Variants in SCCPDH observed in about 807,000 individuals in gnomAD.
The protein encoded by SCCPDH is saccharopine dehydrogenase (putative).
SCCPDH carries 34 observed loss-of-function variants against 51.5 expected under a neutral mutation model. The ratio of observed to expected loss-of-function variants is 0.66; its 90% CI spans 0.50 to 0.88. The LOEUF is 0.88. SCCPDH is among the 40% of genes least tolerant of loss of function. The pLI is 0.00. For synonymous variants in SCCPDH, 187 were observed against 191.3 expected (o/e 0.98, Z 0.19); for missense variants, 464 against 527.1 (o/e 0.88, Z 1.17).
At chr1:246,761,256 T>C (rs970802740) in intron 9 of SCCPDH, among the ~76,000 whole-genome samples, 1 of 152,198 alleles carries the variant, frequency 6.6e-6, no homozygotes, top group Non-Finnish European at 1.5e-5. Context: ...TTTGTATTTT[T>C]AGTAGAGACA....
chr1:246,743,077 T>G (rs1668703566), intron 4 of SCCPDH, among the ~76,000 whole-genome samples: 1 of 152,190 alleles, frequency 6.6e-6, no homozygotes. Flanking sequence ...TGTCATATTT[T>G]AAAGCAGAAT....
chr1:246,727,512 C>T (rs575368524), intron 2 of SCCPDH, among the ~76,000 whole-genome samples: 17 of 152,222 alleles, frequency 1.1e-4, no homozygotes, highest in Admixed American at 8.5e-4. Flanking sequence ...GTGGACATTA[C>T]GTTCTTGGGG....
chr1:246,729,302 T>C (rs1448338293), intron 2 of SCCPDH, among the ~76,000 whole-genome samples: 1 of 152,166 alleles, frequency 6.6e-6, no homozygotes, highest in Non-Finnish European at 1.5e-5. Flanking sequence ...GACTGGAATT[T>C]CCTAATCCTA....
chr1:246,746,451 G>A lies in SCCPDH; in HGVS notation c.564+2326G>A, dbSNP rs1200439702. On this transcript the variant is annotated intron_variant, in intron 5 of 11. Coordinates refer to ENST00000366510, the MANE Select transcript of SCCPDH (RefSeq NM_016002.3). ...GGACGCGGCGCCGGGCTGTCTGCCT[G>A]TGGATTTCATTTCTGCCTTTTAGTT... 2.9e-4 allele frequency among the ~76,000 whole-genome samples: 44 copies of A among 152,320 alleles called. 1 individual carries two copies. The highest frequency in any genetic ancestry group is 8.8e-5 in the Non-Finnish European group (6 of 68,018).
chr1:246,726,376 A>G (rs887833670), intron 1 of SCCPDH, among the ~76,000 whole-genome samples: 13 of 151,758 alleles, frequency 8.6e-5, no homozygotes, highest in Non-Finnish European at 1.9e-4. Context: ...AGCTGGTACT[A>G]CAGGCTATGC....
At chr1:246,764,930 G>A (rs60666824) in intron 10 of SCCPDH, among the ~76,000 whole-genome samples, 2 of 145,162 alleles carry the variant, frequency 1.4e-5, no homozygotes, top group African/African-American at 5.2e-5. Flanking sequence ...TGTGAACTGT[G>A]GTATAATTAC....
intron 5 of SCCPDH, among the ~76,000 whole-genome samples, chr1:246,752,509 C>A (rs200509530): frequency 6.6e-6 from 1 of 152,184 alleles, no homozygotes; most frequent in Non-Finnish European, 1.5e-5. Flanking sequence ...GTTTAAGCAG[C>A]CCGTCACAGA....
chr1:246,733,217 G>T (rs1428237827), intron 2 of SCCPDH, among the ~76,000 whole-genome samples: 11 of 152,036 alleles, frequency 7.2e-5, no homozygotes, highest in Admixed American at 7.2e-4. Context: ...CCTGAAAGTA[G>T]CTGGGACTAT....
chr1:246,735,580 G>A (rs1428519101), intron 2 of SCCPDH, among the ~76,000 whole-genome samples: 3 of 152,192 alleles, frequency 2.0e-5, no homozygotes, highest in Non-Finnish European at 4.4e-5. Flanking sequence ...CGCCCAGGCT[G>A]GAGTGCAGTG....
chr1:246,728,042 T>A (rs7419196), intron 2 of SCCPDH, among the ~76,000 whole-genome samples: 1 of 151,692 alleles, frequency 6.6e-6, no homozygotes, highest in African/African-American at 2.4e-5. Flanking sequence ...GGGGTCGTAG[T>A]GGTGCTGAGA....
At chr1:246,735,667 G>A (rs1396499089) in intron 2 of SCCPDH, among the ~76,000 whole-genome samples, 1 of 152,186 alleles carries the variant, frequency 6.6e-6, no homozygotes, top group African/African-American at 2.4e-5. Context: ...GAGTAGCTGG[G>A]ATTACAGGTG....
chr1:246,736,694 G>A (rs1435154964), intron 3 of SCCPDH, among the ~76,000 whole-genome samples: 1 of 151,224 alleles, frequency 6.6e-6, no homozygotes, highest in Admixed American at 6.6e-5. Context: ...GAGCGAGAGC[G>A]AGACTCTGTC....
chr1:246,758,417 G>A, intron 6 of SCCPDH, 61 bp downstream of exon 6: 1 of 1,293,168 alleles, frequency 7.7e-7, no homozygotes, highest in Admixed American at 2.4e-5. Context: ...TGTTGGGTTG[G>A]CTATTAATAA....
Position 246,767,217 on chromosome 1 carries a change from G to A in SCCPDH, c.1207G>A (p.Ala403Thr). The stretch of plus-strand genomic sequence containing the variant: ...TAGGGGCGGGGTCTTCACACCTGGA[G>A]CAGCTTTTTCCAAAACAAAGTTGAT... ...PKAGGVFTPG[A>T]AFSKTKLIDR... is the part of the protein sequence containing the mutation. The change falls in exon 12 of 12, where the codon GCA becomes ACA. Residue 403 changes from alanine (A) to threonine (T), a missense_variant. Transcript: ENST00000366510. 1 of 1,610,334 alleles carries A rather than the reference G, an allele frequency of 6.2e-7. No individual in the cohort carries two copies. The highest frequency in any genetic ancestry group is 1.3e-5 in the African/African-American group (1 of 74,840).
At chr1:246,766,730 T>C (rs1047309463) in intron 11 of SCCPDH, among the ~76,000 whole-genome samples, 1 of 152,204 alleles carries the variant, frequency 6.6e-6, no homozygotes, top group African/African-American at 2.4e-5. Context: ...AATACCTAGG[T>C]CCCCCTTGAA....
intron 2 of SCCPDH, among the ~76,000 whole-genome samples, chr1:246,730,460 C>T (rs1668476446): frequency 6.6e-6 from 1 of 152,160 alleles, no homozygotes; most frequent in African/African-American, 2.4e-5. Context: ...CTCATTCAGG[C>T]ATTAGGTTGC....
chr1:246,766,038 T>A lies in SCCPDH; in HGVS notation c.1103-20T>A, dbSNP rs371767478. 87 of 1,550,276 alleles carry A rather than the reference T, an allele frequency of 5.6e-5. No homozygotes were observed. The highest frequency in any genetic ancestry group is 1.7e-4 in the Middle Eastern group (1 of 5,878). On this transcript the variant is annotated intron_variant, in intron 10 of 11. Transcript: ENST00000366510. ...ACTTCATGATTCCTTTCTTTTTCCC[T>A]GATCAACTGTTTTCTGCAGAGGCTG...
intron 5 of SCCPDH, among the ~76,000 whole-genome samples, chr1:246,751,461 T>G (rs1462460117): frequency 6.6e-6 from 1 of 152,238 alleles, no homozygotes; most frequent in Admixed American, 6.5e-5. Flanking sequence ...TTTTTAACCT[T>G]TTAATGTAGG....
chr1:246,744,564 G>A (rs937090423), intron 5 of SCCPDH, among the ~76,000 whole-genome samples: 2 of 150,862 alleles, frequency 1.3e-5, no homozygotes, highest in African/African-American at 4.9e-5. Context: ...CAGGTGATCC[G>A]CCCACCTCAG....
Sources: gnomAD v4.1 joint callset for allele counts (sites outside exome capture counted in the v4.1 genomes callset) on GRCh38, gnomAD v4.1.1 for gene constraint, MANE v1.5 for transcripts, NCBI Gene and HGNC (gene_info 2026-07-23, HGNC 2026-07-21) for gene names.